Variants in RHBDD3 observed in about 807,000 individuals in gnomAD.
RHBDD3 encodes the protein rhomboid domain-containing protein 3.
Under a neutral mutation model 32.3 loss-of-function variants are expected in RHBDD3, and 34 were observed. The ratio of observed to expected loss-of-function variants is 1.05; its 90% CI spans 0.80 to 1.40. RHBDD3 has a LOEUF of 1.40. RHBDD3 is among the 40% of genes most tolerant of loss of function. The pLI is 0.00. For missense variants in RHBDD3, 482 were observed against 492.6 expected, an observed-to-expected ratio of 0.98 and a Z score of 0.20; for synonymous variants, 249 against 239.1, an observed-to-expected ratio of 1.04 and a Z score of -0.38.
intron 4 of RHBDD3, chr22:29,261,518 C>G (rs2058120323): frequency 2.8e-6 from 1 of 359,404 alleles, no homozygotes; most frequent in African/African-American, 2.1e-5. Context: ...CGCTTGAGCC[C>G]AGGAGTTTGA....
chr22:29,261,666 T>A (rs1412677403), intron 4 of RHBDD3, among the ~76,000 whole-genome samples: 1 of 152,136 alleles, frequency 6.6e-6, no homozygotes, highest in Non-Finnish European at 1.5e-5. Flanking sequence ...TTTATTTATT[T>A]ATTTTTGAGA....
At chr22:29,261,487 A>T in intron 4 of RHBDD3, 1 of 375,770 alleles carries the variant, frequency 2.7e-6, no homozygotes, top group Admixed American at 3.0e-5. Flanking sequence ...TCAGCTACTC[A>T]AGTGGCTGAG....
chr22:29,264,222 GGA>G lies in RHBDD3; in HGVS notation c.149-6_149-5del. 6.6e-7 allele frequency: 1 copy of G among 1,523,272 alleles called. No individual in the cohort carries two copies. Among genetic ancestry groups the G allele is most frequent in the Non-Finnish European group, 8.8e-7 (1 of 1,136,862 alleles). 94.4% of individuals were successfully genotyped at this position (1,523,272 alleles called of 1,614,324 possible). On this transcript the variant is annotated splice_region_variant and splice_polypyrimidine_tract_variant and intron_variant, in intron 3 of 6. Transcript: ENST00000216085. ...GCATGGGTCAGCAGCCGGTGCACTG[GGA>G]GAGAGAAGGGGCTTATGTGCCAGGT...
In RHBDD3 at chr22:29,260,231, C is replaced by T. The variant is rs1414461018; in HGVS notation, c.990G>A (p.Gln330=). ...SKSSVSSLRL[Q]QLERMGFPTE... is the part of the protein sequence containing the mutation. ...TAGGGAAGCCCATGCGCTCCAGCTG[C>T]TGCAGCCTGTTGGGGGTGGGGGGAG... The change falls in exon 7 of 7, where the codon CAG becomes CAA. Residue 330 remains glutamine (Q), a synonymous_variant. Coordinates refer to ENST00000216085, the MANE Select transcript of RHBDD3 (RefSeq NM_012265.3). 4 of 1,600,988 alleles carry T rather than the reference C, an allele frequency of 2.5e-6. No individual in the cohort carries two copies. The highest frequency in any genetic ancestry group is 3.4e-6 in the Non-Finnish European group (4 of 1,174,544).
At chr22:29,261,736 C>T in intron 4 of RHBDD3, 2 of 179,218 alleles carry the variant, frequency 1.1e-5, no homozygotes, top group South Asian at 2.1e-4. Flanking sequence ...CTCACTGCAA[C>T]CTCCAACTCC....
In RHBDD3 at chr22:29,260,401, G is replaced by A. The variant is rs1258014121; in HGVS notation, c.908C>T (p.Ala303Val). Residue 303 changes from alanine to valine, a missense_variant, in exon 6 of 7, where the codon GCC (alanine) becomes GTC (valine). Physicochemically the swap from Ala to Val is moderately conservative, Grantham distance 64. Transcript: ENST00000216085. ...CTGGGCTGGCCCGTCAAGAAGCGAGGCCTGGATGCCCTCCTGCAGCATCTG... is the reference window on the plus strand; with the variant it reads ...CTGGGCTGGCCCGTCAAGAAGCGAGACCTGGATGCCCTCCTGCAGCATCTG... ...DEQMLQEGIQASLLDGPAQEP... is the reference protein window; with the variant it reads ...DEQMLQEGIQVSLLDGPAQEP... 1 of 1,612,356 alleles carries A rather than the reference G, an allele frequency of 6.2e-7. No homozygotes were observed. Among genetic ancestry groups the A allele is most frequent in the Non-Finnish European group, 8.5e-7 (1 of 1,179,644 alleles).
At chr22:29,260,287 CT>C in intron 6 of RHBDD3, 38 bp downstream of exon 6, 3 of 1,607,206 alleles carry the variant, frequency 1.9e-6, no homozygotes, top group Non-Finnish European at 1.7e-6. Context: ...ACCCCGGCCC[CT>C]ATACCAGGGG....
intron 3 of RHBDD3, chr22:29,265,211 G>T: frequency 3.0e-6 from 1 of 336,952 alleles, no homozygotes; most frequent in Non-Finnish European, 5.3e-6. Context: ...CCTGGCCTTA[G>T]TTCTTATTTC....
intron 3 of RHBDD3, 113 bp downstream of exon 3, chr22:29,265,366 C>T: frequency 1.2e-6 from 1 of 836,098 alleles, no homozygotes; most frequent in Non-Finnish European, 1.7e-6. Context: ...TCCCGGGACA[C>T]TGGGCCCCAT....
chr22:29,266,253 T>C (rs113911633), intron 2 of RHBDD3, among the ~76,000 whole-genome samples: 7,781 of 152,274 alleles, frequency 0.051, 296 homozygotes, highest in African/African-American at 0.11. Flanking sequence ...ACAGCCCCTC[T>C]GGCCCTGGCT....
chr22:29,262,939 G>A (rs767020157), intron 4 of RHBDD3, among the ~76,000 whole-genome samples: 4 of 146,546 alleles, frequency 2.7e-5, no homozygotes, highest in Non-Finnish European at 4.5e-5. Flanking sequence ...GCAGTGGCAT[G>A]TTCTCGGCTC....
intron 4 of RHBDD3, 101 bp from the exon 5 acceptor site, chr22:29,260,965 A>T: frequency 8.4e-7 from 1 of 1,186,718 alleles, no homozygotes; most frequent in Non-Finnish European, 1.1e-6. Context: ...GCTGGCCACC[A>T]TTCCCTCCCG....
At chr22:29,265,397 C>G (rs2058164563) in intron 3 of RHBDD3, 82 bp downstream of exon 3, 6 of 1,206,788 alleles carry the variant, frequency 5.0e-6, no homozygotes, top group African/African-American at 1.6e-5. Flanking sequence ...CCCCTGGAGG[C>G]CTTGTGCTGC....
chr22:29,263,775 C>T, intron 4 of RHBDD3, 60 bp downstream of exon 4: 1 of 1,459,772 alleles, frequency 6.9e-7, no homozygotes, highest in Non-Finnish European at 9.1e-7. Context: ...ACTTCCTTCC[C>T]AGGCACCCAC....
rs377639977 is a variant in RHBDD3, at chr22:29,265,648, G to A, written c.-22C>T. 1.5e-5 allele frequency: 24 copies of A among 1,568,910 alleles called. No individual in the cohort carries two copies. The African/African-American group carries it at 3.2e-4, about 21-fold the overall frequency. On this transcript the variant is annotated 5_prime_UTR_variant, in exon 3 of 7. Coordinates refer to ENST00000216085, the MANE Select transcript of RHBDD3 (RefSeq NM_012265.3). ...GCATCGCTTGGTTGAGGACGGTCAA[G>A]GGTGGTCCTGGGGCTGTGTGCTGGG...
upstream of RHBDD3, chr22:29,268,145 T>TA (rs2058275012): frequency 1.5e-6 from 1 of 681,106 alleles, no homozygotes; most frequent in South Asian, 1.6e-5. Context: ...GGGCGCTCTT[T>TA]AGAGAGGACT....
Position 29,260,010 on chromosome 22 carries a change from C to T in RHBDD3, c.*50G>A. 6.5e-7 allele frequency: 1 copy of T among 1,529,978 alleles called. No homozygotes were observed. The allele number at this position is 1,529,978 out of a possible 1,614,324, so 94.8% of individuals were successfully genotyped here. A position where few individuals can be genotyped will look rare whatever the true frequency, so the allele number is the denominator to read the frequency against. On this transcript the variant is annotated 3_prime_UTR_variant, in exon 7 of 7. Coordinates refer to ENST00000216085, the MANE Select transcript of RHBDD3 (RefSeq NM_012265.3). ...AGGAGCTCGGGCTACCCACATGCAG[C>T]CCAGCCCTTAGCACCCAAGGGCCTG...
At chr22:29,263,393 G>T (rs562676404) in intron 4 of RHBDD3, among the ~76,000 whole-genome samples, 1 of 152,094 alleles carries the variant, frequency 6.6e-6, no homozygotes, top group Non-Finnish European at 1.5e-5. Flanking sequence ...TGGCCAGGCT[G>T]GTCTTGAACT....
In RHBDD3 at chr22:29,267,754, G is replaced by A. The variant is rs1405939039; in HGVS notation, c.-201C>T. ...ACGCGTCCCGGGTACTCACTGCAGAGCGCGCCCGGCAACCCCGAAAGGCCG... is the reference window on the plus strand; with the variant it reads ...ACGCGTCCCGGGTACTCACTGCAGAACGCGCCCGGCAACCCCGAAAGGCCG... On this transcript the variant is annotated 5_prime_UTR_variant, in exon 1 of 7. Transcript: ENST00000216085. 5.8e-6 allele frequency: 1 copy of A among 173,594 alleles called. No individual in the cohort carries two copies. Among genetic ancestry groups the A allele is most frequent in the East Asian group, 1.1e-4 (1 of 9,436 alleles). The allele number at this position is 173,594 out of a possible 1,614,324, so 10.8% of individuals were successfully genotyped here. A position where few individuals can be genotyped will look rare whatever the true frequency, so the allele number is the denominator to read the frequency against.
Sources: gnomAD v4.1 joint callset for allele counts (sites outside exome capture counted in the v4.1 genomes callset) on GRCh38, gnomAD v4.1.1 for gene constraint, MANE v1.5 for transcripts, NCBI Gene and HGNC (gene_info 2026-07-23, HGNC 2026-07-21) for gene names.